Variants in NEIL3 observed in about 807,000 individuals in gnomAD.
NEIL3 encodes the protein nei like DNA glycosylase 3.
In NEIL3, 48 loss-of-function variants were observed where a neutral mutation model predicts 57.5. The ratio of observed to expected loss-of-function variants is 0.83; its 90% CI spans 0.66 to 1.06. The LOEUF (loss-of-function observed/expected upper bound fraction) is 1.06, where lower values mean the gene tolerates loss of function less well. Among genes scored for constraint, NEIL3 ranks in the 50% least tolerant of loss-of-function variants. The pLI is 0.00. For synonymous variants in NEIL3, 261 were observed against 253.2 expected (o/e 1.03, Z -0.29); for missense variants, 717 against 739.1 (o/e 0.97, Z 0.35).
intron 4 of NEIL3, among the ~76,000 whole-genome samples, chr4:177,337,028 G>C (rs1734991167): frequency 6.6e-6 from 1 of 152,026 alleles, no homozygotes; most frequent in South Asian, 2.1e-4. Context: ...GGCAAGACAT[G>C]AGTTGGTTAT....
chr4:177,350,546 A>G (rs964690484), intron 6 of NEIL3, among the ~76,000 whole-genome samples: 4 of 152,194 alleles, frequency 2.6e-5, no homozygotes, highest in Admixed American at 1.3e-4. Flanking sequence ...CAACACAAAG[A>G]GATATCTTTT....
In NEIL3 at chr4:177,322,575, T is replaced by C. The variant is rs1188210915; in HGVS notation, c.273T>C (p.Ala91=). The C allele has an allele frequency of 6.2e-7, 1 of 1,613,826 alleles. No individual in the cohort carries two copies. ...KELFMYFGPK[A]LRIHFGMKGF... ...TCTTTATGTACTTTGGACCAAAAGC[T>C]TTACGGTAAGATAAGCCTGTACGAT... is the stretch of plus-strand genomic sequence containing the variant. Residue 91 remains alanine (A), a synonymous_variant, in exon 2 of 10, where the codon GCT becomes GCC. Coordinates refer to ENST00000264596, the MANE Select transcript of NEIL3 (RefSeq NM_018248.3).
chr4:177,365,516 C>T (rs1735681920), downstream of NEIL3, among the ~76,000 whole-genome samples: 1 of 152,132 alleles, frequency 6.6e-6, no homozygotes, highest in Non-Finnish European at 1.5e-5. Flanking sequence ...ACCACTACAA[C>T]CACCATCAGT....
intron 1 of NEIL3, among the ~76,000 whole-genome samples, chr4:177,321,662 A>G (rs1734688443): frequency 6.6e-6 from 1 of 152,098 alleles, no homozygotes; most frequent in Non-Finnish European, 1.5e-5. Context: ...CATTCTAACA[A>G]TATATTGTTT....
At chr4:177,340,396 AC>A (rs1299395685) in intron 5 of NEIL3, among the ~76,000 whole-genome samples, 1 of 152,258 alleles carries the variant, frequency 6.6e-6, no homozygotes, top group Non-Finnish European at 1.5e-5. Flanking sequence ...AAAGTTATAT[AC>A]TATATGCATA....
chr4:177,335,823 G>A lies in NEIL3; in HGVS notation c.413+1G>A, dbSNP rs779423218. Reference sequence around the variant, plus strand: ...TCTTTGACTCATCAGTAGAACTCAGGTAAAAAAAATTAAATAAAAGTACTT... The same window carrying A: ...TCTTTGACTCATCAGTAGAACTCAGATAAAAAAAATTAAATAAAAGTACTT... On this transcript the variant is annotated splice_donor_variant, in intron 3 of 9. Coordinates refer to ENST00000264596, the MANE Select transcript of NEIL3 (RefSeq NM_018248.3). LOFTEE classifies it high-confidence loss of function. 13 of 1,528,584 alleles carry A rather than the reference G, an allele frequency of 8.5e-6. No individual in the cohort carries two copies. The highest frequency in any genetic ancestry group is 2.6e-5 in the South Asian group (2 of 76,814). 94.7% of individuals were successfully genotyped at this position (1,528,584 alleles called of 1,614,324 possible). A position where few individuals can be genotyped will look rare whatever the true frequency, so the allele number is the denominator to read the frequency against.
At chr4:177,359,493 A>C (rs1337276506) in intron 8 of NEIL3, among the ~76,000 whole-genome samples, 1 of 152,218 alleles carries the variant, frequency 6.6e-6, no homozygotes, top group South Asian at 2.1e-4. Flanking sequence ...AATGCAGTTT[A>C]GGAAGCAAGG....
At chr4:177,323,417 G>A (rs993601626) in intron 2 of NEIL3, among the ~76,000 whole-genome samples, 2 of 152,128 alleles carry the variant, frequency 1.3e-5, no homozygotes, top group African/African-American at 4.8e-5. Flanking sequence ...GTGAATAATT[G>A]TCACAAAGAG....
rs1735375711 is a variant in NEIL3, at chr4:177,352,408, T to C, written c.1039+859T>C. On this transcript the variant is annotated intron_variant, in intron 7 of 9. Coordinates refer to ENST00000264596, the MANE Select transcript of NEIL3 (RefSeq NM_018248.3). ...ATTTCAACATTCTGAAATGCATTTA[T>C]ATGTCTCATTAACTATTTTCTTGTT... is the stretch of plus-strand genomic sequence containing the variant. Among the ~76,000 whole-genome samples, 3 of 152,246 alleles carry C rather than the reference T, an allele frequency of 2.0e-5. No homozygotes were observed. In the South Asian group the frequency reaches 6.2e-4, roughly 32 times the overall value.
intron 1 of NEIL3, among the ~76,000 whole-genome samples, chr4:177,310,944 G>A (rs997164518): frequency 6.6e-6 from 1 of 152,202 alleles, no homozygotes; most frequent in African/African-American, 2.4e-5. Flanking sequence ...CAACTTGAAA[G>A]AAATGAGGTT....
At chr4:177,340,166 CCTACAGTAACA>C (rs1735063932) in intron 5 of NEIL3, among the ~76,000 whole-genome samples, 1 of 152,166 alleles carries the variant, frequency 6.6e-6, no homozygotes, top group Non-Finnish European at 1.5e-5. Flanking sequence ...GAGAGGCTGA[CCTACAGTAACA>C]CTTTCAGATA....
At chr4:177,320,466 CTTTTTTTTTTTTTTTTTTT>C (rs34353849) in intron 1 of NEIL3, among the ~76,000 whole-genome samples, 1 of 77,418 alleles carries the variant, frequency 1.3e-5, no homozygotes, top group African/African-American at 5.4e-5. Flanking sequence ...TGACTGCTGT[CTTTTTTTTTTTTTTTTTTT>C]TTTTTTTTTT....
At chr4:177,310,198 T>G in intron 1 of NEIL3, 89 bp downstream of exon 1, 1 of 1,334,232 alleles carries the variant, frequency 7.5e-7, no homozygotes, top group Non-Finnish European at 9.8e-7. Context: ...AAGTGTCATC[T>G]CTTTGCTCTG....
chr4:177,338,857 A>ATTT (rs34647259), intron 4 of NEIL3, among the ~76,000 whole-genome samples: 16 of 148,324 alleles, frequency 1.1e-4, no homozygotes, highest in African/African-American at 3.9e-4. Context: ...GTTCTTGGTA[A>ATTT]TTTTTTTTTT....
rs1416599787 is a variant in NEIL3, at chr4:177,362,372, A to C, written c.1719A>C (p.Gly573=). The C allele has an allele frequency of 1.9e-6, 3 of 1,613,732 alleles. No homozygotes were observed. Among genetic ancestry groups the C allele is most frequent in the Non-Finnish European group, 2.5e-6 (3 of 1,179,890 alleles). The change falls in exon 10 of 10, where the codon GGA becomes GGC. Residue 573 remains glycine (G), a synonymous_variant. Transcript: ENST00000264596. ...KTVLKIGPNN[G]KNFFVCPLGK... Reference sequence around the variant, plus strand: ...TATTGAAGATTGGACCTAACAATGGAAAGAATTTTTTTGTGTGTCCTCTTG... The same window carrying C: ...TATTGAAGATTGGACCTAACAATGGCAAGAATTTTTTTGTGTGTCCTCTTG...
At chr4:177,368,247 A>G in the NEIL3 span, among the ~76,000 whole-genome samples, 1 of 152,214 alleles carries the variant, frequency 6.6e-6, no homozygotes. Flanking sequence ...TACAATGTTA[A>G]AATTCCCATA....
chr4:177,344,631 G>C lies in NEIL3; in HGVS notation c.869+2989G>C, dbSNP rs140184297. Among the ~76,000 whole-genome samples the C allele has an allele frequency of 2.0e-3, 308 of 151,460 alleles. 1 individual carries two copies. Among genetic ancestry groups the C allele is most frequent in the African/African-American group, 7.1e-3 (292 of 41,196 alleles). ...GGCTGGAGTACAGTGGTGTGATCTC[G>C]GCTCACTGCAACTTTCGCCTCCCGG... On this transcript the variant is annotated intron_variant, in intron 6 of 9. Transcript: ENST00000264596.
At chr4:177,332,862 C>A (rs1387655702) in intron 2 of NEIL3, among the ~76,000 whole-genome samples, 6 of 152,114 alleles carry the variant, frequency 3.9e-5, no homozygotes, top group African/African-American at 1.2e-4. Context: ...CGGGGCTTGT[C>A]ACATTTTGGA....
At chr4:177,352,878 T>C (rs948697420) in intron 7 of NEIL3, among the ~76,000 whole-genome samples, 4 of 152,126 alleles carry the variant, frequency 2.6e-5, no homozygotes, top group African/African-American at 9.7e-5. Flanking sequence ...TCTTTACTTA[T>C]TTTAAATAAG....
Sources: gnomAD v4.1 joint callset for allele counts (sites outside exome capture counted in the v4.1 genomes callset) on GRCh38, gnomAD v4.1.1 for gene constraint, MANE v1.5 for transcripts, NCBI Gene and HGNC (gene_info 2026-07-23, HGNC 2026-07-21) for gene names.